The following RAB3D variants were observed in gnomAD, a reference collection of about 807,000 sequenced individuals.
RAB3D encodes the protein ras-related protein Rab-3D.
RAB3D carries 17 observed loss-of-function variants against 19.3 expected under a neutral mutation model. The observed-to-expected ratio is 0.88, with a 90% CI of 0.60 to 1.32. RAB3D has a LOEUF of 1.32. Ranked by LOEUF, RAB3D falls within the 40% of genes most tolerant of loss-of-function variation. The pLI, the probability that RAB3D is intolerant of heterozygous loss-of-function variation, is 0.00. For missense variants in RAB3D, 223 were observed against 299.1 expected (o/e 0.75, Z 1.88); for synonymous variants, 103 against 119.9 (o/e 0.86, Z 0.92).
intron 4 of RAB3D, among the ~76,000 whole-genome samples, chr19:11,328,502 C>G (rs2080824175): frequency 6.6e-6 from 1 of 151,784 alleles, no homozygotes. Context: ...CAAAATTTAG[C>G]TTTGTGTGGT....
intron 4 of RAB3D, among the ~76,000 whole-genome samples, chr19:11,333,031 C>G (rs1351048023): frequency 1.3e-5 from 2 of 151,512 alleles, no homozygotes; most frequent in African/African-American, 4.8e-5. Flanking sequence ...GAATAGTACA[C>G]AGCCATGCAA....
chr19:11,326,208 C>A (rs970930906), intron 4 of RAB3D, among the ~76,000 whole-genome samples: 1 of 147,974 alleles, frequency 6.8e-6, no homozygotes, highest in African/African-American at 2.6e-5. Context: ...GGCAACAGAG[C>A]GAGATTCTAT....
intron 4 of RAB3D, among the ~76,000 whole-genome samples, chr19:11,329,299 G>T (rs1034596261): frequency 6.6e-6 from 1 of 151,976 alleles, no homozygotes; most frequent in African/African-American, 2.4e-5. Flanking sequence ...ATGTGTGTCT[G>T]GCTTTTTTTC....
At position 11,325,176 on chromosome 19, in the gene RAB3D, T is replaced by C. The variant is rs2080804339; in HGVS notation, c.*222A>G. ...AGTGTCCCTGGGCCTCTGCCTGCCA[T>C]GCAGAGCTGAGTCCCCATGGTCCGC... On this transcript the variant is annotated 3_prime_UTR_variant, in exon 5 of 5. Coordinates refer to ENST00000222120, the MANE Select transcript of RAB3D (RefSeq NM_004283.4). 2.0e-6 allele frequency: 1 copy of C among 505,986 alleles called. No homozygotes were observed. Among genetic ancestry groups the C allele is most frequent in the Admixed American group, 3.3e-5 (1 of 30,532 alleles). 31.3% of individuals were successfully genotyped at this position (505,986 alleles called of 1,614,324 possible).
intron 4 of RAB3D, among the ~76,000 whole-genome samples, chr19:11,329,680 T>C (rs1029751887): frequency 2.0e-5 from 3 of 151,630 alleles, no homozygotes; most frequent in Non-Finnish European, 4.4e-5. Flanking sequence ...TGTATGCCAA[T>C]CTTCTTTTTG....
At position 11,325,565 on chromosome 19, in the gene RAB3D, T is replaced by C. The variant is rs939484219; in HGVS notation, c.493A>G (p.Ser165Gly). The C allele has an allele frequency of 3.7e-6, 6 of 1,611,748 alleles. No homozygotes were observed. Among genetic ancestry groups the C allele is most frequent in the Non-Finnish European group, 5.1e-6 (6 of 1,179,022 alleles). Residue 165 changes from serine (S) to glycine (G), a missense_variant, in exon 5 of 5, where the codon AGT (serine) becomes GGT (glycine). By Grantham distance (56) the Ser-to-Gly change is moderately conservative (BLOSUM62 0). Transcript: ENST00000222120. ...DDLGFEFFEASAKENINVKQV... is the reference protein window; with the variant it reads ...DDLGFEFFEAGAKENINVKQV... ...TTCACATTGATGTTCTCCTTGGCAC[T>C]GGCTTCAAAGAACTCGAAACCTGGA...
At chr19:11,338,715 C>A (rs1966920974) in intron 1 of RAB3D, among the ~76,000 whole-genome samples, 1 of 152,154 alleles carries the variant, frequency 6.6e-6, no homozygotes, top group South Asian at 2.1e-4. Context: ...GAAACGATCC[C>A]AGCCACTTAA....
In RAB3D at chr19:11,323,104, C is replaced by G. The variant is rs2080790362; in HGVS notation, c.*2294G>C. 1 of 148,298 alleles carries G rather than the reference C, an allele frequency of 6.7e-6. No homozygotes were observed. The highest frequency in any genetic ancestry group is 2.5e-5 in the African/African-American group (1 of 39,582). 9.2% of individuals were successfully genotyped at this position (148,298 alleles called of 1,614,324 possible). On this transcript the variant is annotated 3_prime_UTR_variant, in exon 5 of 5. Coordinates refer to ENST00000222120, the MANE Select transcript of RAB3D (RefSeq NM_004283.4). ...TGCGGCCTGGGCGACGAGCGACTCT[C>G]TGTCTTAAAAAAAAAAAAAACAAAA...
Position 11,334,974 on chromosome 19 carries a change from G to A in RAB3D, c.472+473C>T, listed in dbSNP as rs1302371828. Among the ~76,000 whole-genome samples the A allele has an allele frequency of 4.6e-5, 7 of 151,836 alleles. No homozygotes were observed. In the South Asian group the frequency reaches 6.3e-4, roughly 14 times the overall value. ...GGAGCTTGCAGTGAGCCGAGATCGC[G>A]CCACTGCACTTCAGCCTGGGCGACA... On this transcript the variant is annotated intron_variant, in intron 4 of 4. Transcript: ENST00000222120.
chr19:11,337,536 C>T (rs898276892), intron 1 of RAB3D, 76 bp from the exon 2 acceptor site: 25 of 696,576 alleles, frequency 3.6e-5, no homozygotes, highest in African/African-American at 2.6e-4. Context: ...CTCGGTCACT[C>T]GGAGACCAAG....
chr19:11,324,933 C>T lies in RAB3D; in HGVS notation c.*465G>A, dbSNP rs1272055066. ...GCCTGCAGGACCTGAGAAAGAGGCG[C>T]CGCCTTCCCTGGATGAACTCCAAGA... On this transcript the variant is annotated 3_prime_UTR_variant, in exon 5 of 5. Transcript: ENST00000222120. 1 of 152,824 alleles carries T rather than the reference C, an allele frequency of 6.5e-6. No individual in the cohort carries two copies. The highest frequency in any genetic ancestry group is 1.5e-5 in the Non-Finnish European group (1 of 68,462). 9.5% of individuals were successfully genotyped at this position (152,824 alleles called of 1,614,324 possible).
chr19:11,328,108 C>A, intron 4 of RAB3D, among the ~76,000 whole-genome samples: 1 of 151,332 alleles, frequency 6.6e-6, no homozygotes, highest in South Asian at 2.1e-4. Context: ...CCAAGGTGAG[C>A]GGATCACTTG....
intron 4 of RAB3D, among the ~76,000 whole-genome samples, chr19:11,325,957 A>G (rs934289271): frequency 6.6e-6 from 1 of 152,114 alleles, no homozygotes; most frequent in African/African-American, 2.4e-5. Context: ...GAGGAGGCTC[A>G]TGCCTATAAT....
At chr19:11,338,309 G>T (rs60718624) in intron 1 of RAB3D, among the ~76,000 whole-genome samples, 10,172 of 152,286 alleles carry the variant, frequency 0.067, 584 homozygotes, top group African/African-American at 0.16. Context: ...GGCCCCTGCA[G>T]AACTAGATTC....
At chr19:11,338,017 C>G (rs1044081855) in intron 1 of RAB3D, among the ~76,000 whole-genome samples, 7 of 152,090 alleles carry the variant, frequency 4.6e-5, no homozygotes, top group Non-Finnish European at 1.0e-4. Context: ...TACTCTCTGC[C>G]GGGCCCTGTT....
intron 4 of RAB3D, among the ~76,000 whole-genome samples, chr19:11,334,853 G>T (rs554424053): frequency 3.8e-4 from 58 of 152,214 alleles, no homozygotes; most frequent in Admixed American, 3.1e-3. Flanking sequence ...AACCTGGGAG[G>T]TGGAGGCTGC....
chr19:11,328,163 G>A (rs143033807), intron 4 of RAB3D, among the ~76,000 whole-genome samples: 9 of 151,554 alleles, frequency 5.9e-5, no homozygotes, highest in South Asian at 4.2e-4. Flanking sequence ...ATGAAACCCC[G>A]TCTCTACTAA....
At chr19:11,338,838 C>A (rs912921306) in intron 1 of RAB3D, among the ~76,000 whole-genome samples, 1 of 152,204 alleles carries the variant, frequency 6.6e-6, no homozygotes, top group East Asian at 1.9e-4. Flanking sequence ...CTGCTTCATC[C>A]GAGTCCAAGG....
At chr19:11,339,174 C>T (rs1475387521) in intron 1 of RAB3D, among the ~76,000 whole-genome samples, 2 of 152,318 alleles carry the variant, frequency 1.3e-5, no homozygotes, top group South Asian at 2.1e-4. Context: ...CAGTCGGTCC[C>T]GCCTCTTTCT....
Sources: allele counts gnomAD v4.1 joint callset (sites outside exome capture counted in the v4.1 genomes callset), GRCh38; gene constraint gnomAD v4.1.1; transcripts MANE v1.5; gene names NCBI Gene and HGNC (gene_info 2026-07-23, HGNC 2026-07-21).